Variants in PLCB1 observed in about 807,000 individuals in gnomAD.
PLCB1 encodes 1-phosphatidylinositol 4,5-bisphosphate phosphodiesterase beta-1.
Under a neutral mutation model 161.8 loss-of-function variants are expected in PLCB1, and 46 were observed. The ratio of observed to expected loss-of-function variants is 0.28; its 90% CI spans 0.22 to 0.36. The LOEUF is 0.36. PLCB1 is among the 10% of genes least tolerant of loss of function. The pLI is 1.00. For missense variants in PLCB1, 1,016 were observed against 1,472.5 expected (o/e 0.69, Z 5.07); for synonymous variants, 517 against 503.7 (o/e 1.03, Z -0.35).
chr20:8,277,626 T>G (rs1049271739), intron 2 of PLCB1, among the ~76,000 whole-genome samples: 16 of 152,186 alleles, frequency 1.1e-4, no homozygotes, highest in African/African-American at 3.6e-4. Flanking sequence ...TGCATTTTAC[T>G]GAGATTCCCC....
rs571441193 is a variant in PLCB1, at chr20:8,419,865, AT to A, written c.246+48422del. Among the ~76,000 whole-genome samples the A allele has an allele frequency of 4.9e-3, 743 of 152,190 alleles. 7 individuals carry two copies. Among genetic ancestry groups the A allele is most frequent in the African/African-American group, 0.017 (698 of 41,528 alleles). ...CATCCAATCTTCTTATAAAGTTTGA[AT>A]TTTTTTAAGATAACTATACTAGACT... On this transcript the variant is annotated intron_variant, in intron 3 of 31. Transcript: ENST00000338037.
intron 31 of PLCB1, among the ~76,000 whole-genome samples, chr20:8,867,011 T>C (rs958601418): frequency 2.6e-5 from 4 of 152,094 alleles, no homozygotes; most frequent in African/African-American, 9.7e-5. Flanking sequence ...AATATACATT[T>C]ATAAAAAGAA....
intron 2 of PLCB1, among the ~76,000 whole-genome samples, chr20:8,240,257 C>A (rs942993137): frequency 6.8e-6 from 1 of 147,914 alleles, no homozygotes; most frequent in Non-Finnish European, 1.5e-5. Context: ...GCTGTGAAAC[C>A]TTCCAAAATT....
At chr20:8,451,746 CTCTT>C (rs1278433651) in intron 3 of PLCB1, among the ~76,000 whole-genome samples, 2 of 152,022 alleles carry the variant, frequency 1.3e-5, no homozygotes, top group African/African-American at 4.8e-5. Flanking sequence ...TCCTAGGACT[CTCTT>C]TCTCTTTTCA....
At chr20:8,520,227 C>T (rs1358890463) in intron 3 of PLCB1, among the ~76,000 whole-genome samples, 2 of 152,104 alleles carry the variant, frequency 1.3e-5, no homozygotes, top group Non-Finnish European at 2.9e-5. Context: ...AGAAGTAAAG[C>T]AGTTTATTTT....
At chr20:8,422,013 TGCAAATA>T (rs1979556686) in intron 3 of PLCB1, among the ~76,000 whole-genome samples, 1 of 152,262 alleles carries the variant, frequency 6.6e-6, no homozygotes, top group South Asian at 2.1e-4. Context: ...AAGTTGTACC[TGCAAATA>T]GTATTTGCAC....
chr20:8,421,582 T>G (rs1979539634), intron 3 of PLCB1, among the ~76,000 whole-genome samples: 1 of 152,186 alleles, frequency 6.6e-6, no homozygotes, highest in Non-Finnish European at 1.5e-5. Flanking sequence ...CATATTATCA[T>G]GTTAAAGACT....
intron 7 of PLCB1, among the ~76,000 whole-genome samples, chr20:8,655,128 T>G (rs1353754415): frequency 6.6e-6 from 1 of 152,140 alleles, no homozygotes; most frequent in Non-Finnish European, 1.5e-5. Flanking sequence ...TCTCTTTAAT[T>G]TGACTCCTCC....
At chr20:8,796,905 T>C (rs1182167607) in intron 31 of PLCB1, among the ~76,000 whole-genome samples, 1 of 152,258 alleles carries the variant, frequency 6.6e-6, no homozygotes, top group Non-Finnish European at 1.5e-5. Flanking sequence ...CGTTTTTTCT[T>C]GTATCTTCTG....
At chr20:8,679,604 G>T (rs1309995853) in intron 9 of PLCB1, among the ~76,000 whole-genome samples, 2 of 152,194 alleles carry the variant, frequency 1.3e-5, no homozygotes, top group Admixed American at 1.3e-4. Flanking sequence ...ATTTTGAATT[G>T]ATGTCTTTCT....
intron 2 of PLCB1, among the ~76,000 whole-genome samples, chr20:8,293,613 GT>G (rs34080704): frequency 6.0e-5 from 9 of 149,724 alleles, no homozygotes; most frequent in South Asian, 2.1e-4. Flanking sequence ...GACATAAGCA[GT>G]TTTTTTTTTA....
intron 3 of PLCB1, among the ~76,000 whole-genome samples, chr20:8,621,682 A>G (rs185591988): frequency 7.2e-5 from 11 of 152,344 alleles, no homozygotes; most frequent in South Asian, 2.1e-4. Context: ...TATTCTGCCA[A>G]TTGAACTATT....
At chr20:8,141,530 G>A (rs1006887399) in intron 1 of PLCB1, among the ~76,000 whole-genome samples, 5 of 149,096 alleles carry the variant, frequency 3.4e-5, no homozygotes, top group Non-Finnish European at 5.9e-5. Flanking sequence ...GGCTGAGGCA[G>A]AAGAATCACT....
intron 27 of PLCB1, among the ~76,000 whole-genome samples, chr20:8,778,140 C>A (rs531770517): frequency 8.5e-5 from 13 of 152,190 alleles, no homozygotes; most frequent in South Asian, 2.1e-4. Flanking sequence ...CAAGACCATT[C>A]CCCAAGGAAA....
intron 2 of PLCB1, among the ~76,000 whole-genome samples, chr20:8,181,248 C>CAAAAAAAAAAAAAAAA (rs60871672): frequency 4.9e-5 from 4 of 81,306 alleles, no homozygotes; most frequent in African/African-American, 7.6e-5. Context: ...GACTCTGTCT[C>CAAAAAAAAAAAAAAAA]AAAAAAAAAA....
chr20:8,510,848 T>G (rs1983855635), intron 3 of PLCB1, among the ~76,000 whole-genome samples: 1 of 152,208 alleles, frequency 6.6e-6, no homozygotes, highest in Non-Finnish European at 1.5e-5. Flanking sequence ...ATAATTTCAT[T>G]TTTTGCAATT....
chr20:8,823,791 G>A (rs1019935305), intron 31 of PLCB1, among the ~76,000 whole-genome samples: 3 of 152,178 alleles, frequency 2.0e-5, no homozygotes, highest in Non-Finnish European at 2.9e-5. Flanking sequence ...CTTCTACACA[G>A]GAATGCCTCT....
At chr20:8,382,651 C>T (rs1009944599) in intron 3 of PLCB1, among the ~76,000 whole-genome samples, 2 of 151,686 alleles carry the variant, frequency 1.3e-5, no homozygotes, top group African/African-American at 2.4e-5. Context: ...CGGGTTCACA[C>T]CATTCTCCTG....
chr20:8,722,440 T>A lies in PLCB1; in HGVS notation c.1581+19T>A. The A allele has an allele frequency of 2.5e-6, 4 of 1,586,296 alleles. No homozygotes were observed. The highest frequency in any genetic ancestry group is 3.4e-6 in the Non-Finnish European group (4 of 1,160,802). On this transcript the variant is annotated intron_variant, in intron 15 of 31. Transcript: ENST00000338037. The stretch of plus-strand genomic sequence containing the variant: ...GGATGAGGTGGGTACTTAGGGCTTC[T>A]GGTCCCTAAGGCATTCCACCACCCT...
Sources: allele counts gnomAD v4.1 joint callset (sites outside exome capture counted in the v4.1 genomes callset), GRCh38; gene constraint gnomAD v4.1.1; transcripts MANE v1.5; gene names NCBI Gene and HGNC (gene_info 2026-07-23, HGNC 2026-07-21).